Variants in YIPF6 observed in about 807,000 individuals in gnomAD.
YIPF6 encodes Yip1 domain family member 6.
Under a neutral mutation model 16.8 loss-of-function variants are expected in YIPF6, and 3 were observed. The ratio of observed to expected loss-of-function variants is 0.18; its 90% CI spans 0.08 to 0.46. YIPF6 has a LOEUF of 0.46. Ranked by LOEUF, YIPF6 falls within the 20% of genes least tolerant of loss-of-function variation. The probability of loss-of-function intolerance (pLI) is 0.98; values close to 1 mark genes in which losing one functional copy is unlikely to be tolerated. For synonymous variants in YIPF6, 67 were observed against 61.9 expected, an observed-to-expected ratio of 1.08 and a Z score of -0.38; for missense variants, 145 against 184.9, an observed-to-expected ratio of 0.78 and a Z score of 1.25.
chrX:68,509,117 T>G (rs952475689), intron 1 of YIPF6, among the ~76,000 whole-genome samples: 13 of 108,422 alleles, frequency 1.2e-4, no homozygotes, highest in African/African-American at 4.4e-4. Context: ...TGTTGTTGTT[T>G]TTTTTTTTTT....
At chrX:68,523,719 G>C (rs1185052547) in intron 6 of YIPF6, among the ~76,000 whole-genome samples, 1 of 112,023 alleles carries the variant, frequency 8.9e-6, no homozygotes, top group Non-Finnish European at 1.9e-5. Flanking sequence ...ATTTTTAAGT[G>C]TAGTAACATC....
intron 3 of YIPF6, among the ~76,000 whole-genome samples, chrX:68,516,760 G>T (rs2079104451): frequency 8.9e-6 from 1 of 111,858 alleles, no homozygotes; most frequent in African/African-American, 3.2e-5. Flanking sequence ...AGGTAATTGT[G>T]CTCTAAGCTA....
At chrX:68,518,724 AAG>A in intron 3 of YIPF6, 44 bp from the exon 4 acceptor site, 3 of 1,164,164 alleles carry the variant, frequency 2.6e-6, no homozygotes, top group Non-Finnish European at 3.4e-6. Context: ...TATTAGAATA[AAG>A]ACAGAAAATA....
At chrX:68,518,943 C>G (rs758729869) in intron 4 of YIPF6, 131 bp downstream of exon 4, 1 of 583,723 alleles carries the variant, frequency 1.7e-6, no homozygotes, top group African/African-American at 2.4e-5. Flanking sequence ...ATGTTATACT[C>G]CTTAGGTATT....
rs1248145355 is a variant in YIPF6, at chrX:68,535,816, A to G, written c.*3817A>G. The G allele has an allele frequency of 9.0e-6, 1 of 111,303 alleles. No homozygotes were observed. Among genetic ancestry groups the G allele is most frequent in the Non-Finnish European group, 1.9e-5 (1 of 53,107 alleles). The allele number at this position is 111,303 out of a possible 1,213,427, so 9.2% of individuals were successfully genotyped here. Reference sequence around the variant, plus strand: ...TTTTTATTTTTTATTTTTATGAGACAGGGACTCACCCAGGCTGGAGTGCAG... The same window carrying G: ...TTTTTATTTTTTATTTTTATGAGACGGGGACTCACCCAGGCTGGAGTGCAG... On this transcript the variant is annotated 3_prime_UTR_variant, in exon 7 of 7. Transcript: ENST00000462683.
chrX:68,511,770 C>T (rs2079081749), intron 1 of YIPF6, 79 bp from the exon 2 acceptor site: 1 of 1,096,744 alleles, frequency 9.1e-7, no homozygotes, highest in South Asian at 2.4e-5. Context: ...ATGGTCCCAA[C>T]TCTCTAGGAA....
In YIPF6 at chrX:68,508,066, T is replaced by C. The variant is rs765963855; in HGVS notation, c.58-3783T>C. Among the ~76,000 whole-genome samples the C allele has an allele frequency of 2.0e-4, 22 of 110,692 alleles. No individual in the cohort carries two copies. In the South Asian group the frequency reaches 8.1e-3, roughly 41 times the overall value. ...CATCTTGATTGGGGTTCTCTTGGCT[T>C]GTATCTGTCATTTGATGTCTCATTA... is the stretch of plus-strand genomic sequence containing the variant. On this transcript the variant is annotated intron_variant, in intron 1 of 6. Coordinates refer to ENST00000462683, the MANE Select transcript of YIPF6 (RefSeq NM_173834.4).
At chrX:68,503,414 G>C (rs2079048014) in intron 1 of YIPF6, among the ~76,000 whole-genome samples, 1 of 111,989 alleles carries the variant, frequency 8.9e-6, no homozygotes, top group Non-Finnish European at 1.9e-5. Context: ...TGATGGGAAA[G>C]GGGAGGGACA....
In YIPF6 at chrX:68,534,904, T is replaced by C. The variant is rs182075301; in HGVS notation, c.*2905T>C. ...GAGCATCACTGCAGAATGTGGTGCATCATTGCCATCATGAGTAATCACTTG... is the reference window on the plus strand; with the variant it reads ...GAGCATCACTGCAGAATGTGGTGCACCATTGCCATCATGAGTAATCACTTG... On this transcript the variant is annotated 3_prime_UTR_variant, in exon 7 of 7. Transcript: ENST00000462683. 8.9e-6 allele frequency: 1 copy of C among 112,351 alleles called. No individual in the cohort carries two copies. The highest frequency in any genetic ancestry group is 2.8e-4 in the East Asian group (1 of 3,563). 9.3% of individuals were successfully genotyped at this position (112,351 alleles called of 1,213,427 possible). A position where few individuals can be genotyped will look rare whatever the true frequency, so the allele number is the denominator to read the frequency against.
At position 68,532,935 on chromosome X, in the gene YIPF6, C is replaced by T. The variant is rs1305936560; in HGVS notation, c.*936C>T. The T allele has an allele frequency of 1.8e-5, 2 of 111,915 alleles. No individual in the cohort carries two copies. The highest frequency in any genetic ancestry group is 6.5e-5 in the African/African-American group (2 of 30,819). 9.2% of individuals were successfully genotyped at this position (111,915 alleles called of 1,213,427 possible). A position where few individuals can be genotyped will look rare whatever the true frequency, so the allele number is the denominator to read the frequency against. On this transcript the variant is annotated 3_prime_UTR_variant, in exon 7 of 7. Coordinates refer to ENST00000462683, the MANE Select transcript of YIPF6 (RefSeq NM_173834.4). Reference sequence around the variant, plus strand: ...TAGTTAAAAGGAGCTGTTTAATATTCTCTGTAGTCTGGCCTCTTAACTAGA... The same window carrying T: ...TAGTTAAAAGGAGCTGTTTAATATTTTCTGTAGTCTGGCCTCTTAACTAGA...
chrX:68,521,569 T>A, intron 5 of YIPF6, 72 bp downstream of exon 5: 1 of 1,091,483 alleles, frequency 9.2e-7, no homozygotes, highest in Admixed American at 2.9e-5. Flanking sequence ...GAATACAGGC[T>A]AGCTAGATTT....
At chrX:68,509,114 GT>G (rs202244962) in intron 1 of YIPF6, among the ~76,000 whole-genome samples, 52 of 98,285 alleles carry the variant, frequency 5.3e-4, no homozygotes, top group East Asian at 6.3e-4. Flanking sequence ...TTTTGTTGTT[GT>G]TTTTTTTTTT....
rs140077619 is a variant in YIPF6 at position 68,521,399 on chromosome X, T to C, written c.336T>C (p.Ser112=). ...TGCTGCAAAGAGACTCTGCAGATAG[T>C]GAAAAAGATGGAGGGCCCCAATTTG... ...ALMLQRDSAD[S]EKDGGPQFAE... Residue 112 remains serine, a synonymous_variant, in exon 5 of 7, where the codon AGT becomes AGC. Coordinates refer to ENST00000462683, the MANE Select transcript of YIPF6 (RefSeq NM_173834.4). 5.2e-4 allele frequency: 624 copies of C among 1,209,160 alleles called. No individual in the cohort carries two copies. The highest frequency in any genetic ancestry group is 6.6e-4 in the Non-Finnish European group (589 of 894,874).
chrX:68,501,109 T>C (rs765239146), intron 1 of YIPF6, among the ~76,000 whole-genome samples: 1 of 112,111 alleles, frequency 8.9e-6, no homozygotes, highest in Non-Finnish European at 1.9e-5. Context: ...ACTCCCACAA[T>C]GAGTAATGCA....
intron 6 of YIPF6, among the ~76,000 whole-genome samples, chrX:68,527,166 A>C (rs2079151964): frequency 8.9e-6 from 1 of 111,753 alleles, no homozygotes; most frequent in Non-Finnish European, 1.9e-5. Context: ...TTATTGGTCT[A>C]TTCAGGGATT....
At chrX:68,521,602 G>A in intron 5 of YIPF6, 105 bp downstream of exon 5, 1 of 851,398 alleles carries the variant, frequency 1.2e-6, no homozygotes, top group Non-Finnish European at 1.6e-6. Context: ...GAGACAGGGT[G>A]TCACTCTGTC....
intron 3 of YIPF6, chrX:68,514,294 A>G (rs1204799261): frequency 9.3e-6 from 1 of 107,753 alleles, no homozygotes; most frequent in Admixed American, 1.0e-4. Flanking sequence ...TTACTACAAA[A>G]TACATTTCTG....
At chrX:68,509,120 T>C (rs928883818) in intron 1 of YIPF6, among the ~76,000 whole-genome samples, 3 of 108,732 alleles carry the variant, frequency 2.8e-5, no homozygotes, top group Middle Eastern at 4.3e-3. Flanking sequence ...TGTTGTTTTT[T>C]TTTTTTTGAG....
chrX:68,499,088 C>T lies in YIPF6; in HGVS notation c.22C>T (p.Pro8Ser), dbSNP rs2079030724. 1.7e-6 allele frequency: 2 copies of T among 1,188,117 alleles called. No homozygotes were observed. Among genetic ancestry groups the T allele is most frequent in the Non-Finnish European group, 2.3e-6 (2 of 883,897 alleles). Reference protein sequence around the residue: MAEAEESPGDPGTASPRP... With the variant: MAEAEESSGDPGTASPRP... ...CAAGATGGCGGAAGCGGAGGAGTCT[C>T]CAGGAGACCCGGGGACAGCATCGCC... Residue 8 changes from proline (P) to serine (S), a missense_variant, in exon 1 of 7, where the codon CCA becomes TCA. Transcript: ENST00000462683.
Sources: allele counts gnomAD v4.1 joint callset (sites outside exome capture counted in the v4.1 genomes callset), GRCh38; gene constraint gnomAD v4.1.1; transcripts MANE v1.5; gene names NCBI Gene and HGNC (gene_info 2026-07-23, HGNC 2026-07-21).